FHIT: variants seen among roughly 807,000 people sequenced by gnomAD.
FHIT encodes the protein fragile histidine triad diadenosine triphosphatase.
In FHIT, 19 loss-of-function variants were observed where a neutral mutation model predicts 17.9. That is an observed-to-expected ratio of 1.06 (90% CI 0.74 to 1.56). The LOEUF is 1.56. FHIT is among the 40% of genes most tolerant of loss of function. The probability of loss-of-function intolerance (pLI) is 0.00; values close to 1 mark genes in which losing one functional copy is unlikely to be tolerated. For synonymous variants in FHIT, 81 were observed against 69.7 expected, an observed-to-expected ratio of 1.16 and a Z score of -0.81; for missense variants, 248 against 189.2, an observed-to-expected ratio of 1.31 and a Z score of -1.82.
At chr3:60,256,053 G>A (rs942636192) in intron 5 of FHIT, among the ~76,000 whole-genome samples, 1 of 152,036 alleles carries the variant, frequency 6.6e-6, no homozygotes, top group Non-Finnish European at 1.5e-5. Context: ...TTCTAATGTG[G>A]CCCACCTTTA....
intron 5 of FHIT, among the ~76,000 whole-genome samples, chr3:60,171,485 G>C (rs1462554028): frequency 6.6e-6 from 1 of 152,078 alleles, no homozygotes; most frequent in Non-Finnish European, 1.5e-5. Context: ...GACTAATTGT[G>C]GGTGCCAACT....
chr3:61,020,608 T>C (rs1419330989), intron 3 of FHIT, among the ~76,000 whole-genome samples: 1 of 152,146 alleles, frequency 6.6e-6, no homozygotes, highest in African/African-American at 2.4e-5. Context: ...AAAAACTGCA[T>C]CACCTAATGG....
chr3:60,097,661 TTTC>T (rs1260887474), intron 5 of FHIT, among the ~76,000 whole-genome samples: 3 of 152,096 alleles, frequency 2.0e-5, no homozygotes, highest in Admixed American at 6.5e-5. Context: ...TCTTTCTGAT[TTTC>T]TTTTTTTAAT....
chr3:61,125,634 T>A (rs9820481), intron 2 of FHIT, among the ~76,000 whole-genome samples: 1 of 152,200 alleles, frequency 6.6e-6, no homozygotes, highest in African/African-American at 2.4e-5. Context: ...GAAAATCATC[T>A]GGCAAACAAC....
intron 2 of FHIT, among the ~76,000 whole-genome samples, chr3:61,166,385 A>G (rs757075825): frequency 6.6e-6 from 1 of 152,144 alleles, no homozygotes; most frequent in Non-Finnish European, 1.5e-5. Flanking sequence ...TTCTGTTTTC[A>G]TTATACCACC....
At chr3:60,878,346 A>G (rs1169421290) in intron 3 of FHIT, among the ~76,000 whole-genome samples, 1 of 152,066 alleles carries the variant, frequency 6.6e-6, no homozygotes, top group Non-Finnish European at 1.5e-5. Context: ...CCTGGAACTC[A>G]AAGCAATGGA....
intron 8 of FHIT, among the ~76,000 whole-genome samples, chr3:59,841,169 C>T (rs961785256): frequency 3.3e-5 from 5 of 152,152 alleles, no homozygotes; most frequent in African/African-American, 9.7e-5. Context: ...GTCAGATGAT[C>T]TTGCCTGGGT....
intron 3 of FHIT, among the ~76,000 whole-genome samples, chr3:60,825,694 G>A (rs781855112): frequency 9.9e-5 from 15 of 152,196 alleles, no homozygotes; most frequent in Admixed American, 7.2e-4. Context: ...AGACCCTAAC[G>A]CCTGATGATC....
rs545578543 is a variant in FHIT at position 60,935,385 on chromosome 3, T to C, written c.-111+106662A>G. 7.9e-5 allele frequency among the ~76,000 whole-genome samples: 12 copies of C among 152,078 alleles called. No homozygotes were observed. The East Asian group carries it at 1.7e-3, about 22-fold the overall frequency. On this transcript the variant is annotated intron_variant, in intron 3 of 9. Coordinates refer to ENST00000492590, the MANE Select transcript of FHIT (RefSeq NM_002012.4). ...CACATGTTTAAAAGGGAAAACAGAG[T>C]AATGATACAAAAATCACACAAATAA...
At chr3:60,753,844 T>C (rs2042517591) in intron 4 of FHIT, among the ~76,000 whole-genome samples, 1 of 152,202 alleles carries the variant, frequency 6.6e-6, no homozygotes, top group Admixed American at 6.5e-5. Flanking sequence ...CCTTAACTCT[T>C]CACTAAGTAG....
At chr3:61,207,773 C>T (rs944781707) in intron 1 of FHIT, among the ~76,000 whole-genome samples, 20 of 152,104 alleles carry the variant, frequency 1.3e-4, no homozygotes, top group African/African-American at 4.3e-4. Flanking sequence ...AAACCAGCTC[C>T]TGGATTCATT....
At chr3:60,198,085 AT>A (rs1472754697) in intron 5 of FHIT, among the ~76,000 whole-genome samples, 1 of 151,950 alleles carries the variant, frequency 6.6e-6, no homozygotes, top group African/African-American at 2.4e-5. Flanking sequence ...CAGATCTGGG[AT>A]TGAGGAACGT....
At chr3:60,339,314 G>A (rs983267552) in intron 5 of FHIT, among the ~76,000 whole-genome samples, 1 of 151,976 alleles carries the variant, frequency 6.6e-6, no homozygotes, top group East Asian at 1.9e-4. Flanking sequence ...TTTTGAGCCA[G>A]CACACTATAT....
intron 3 of FHIT, among the ~76,000 whole-genome samples, chr3:60,902,890 A>C (rs1256513192): frequency 6.6e-6 from 1 of 152,194 alleles, no homozygotes; most frequent in African/African-American, 2.4e-5. Flanking sequence ...GCATAGAAAG[A>C]AATCTTTCAT....
intron 5 of FHIT, among the ~76,000 whole-genome samples, chr3:60,118,388 G>A (rs1417927996): frequency 6.6e-6 from 1 of 151,208 alleles, no homozygotes; most frequent in Non-Finnish European, 1.5e-5. Flanking sequence ...GATTATACGT[G>A]TGAGCCACTG....
intron 5 of FHIT, among the ~76,000 whole-genome samples, chr3:60,066,967 T>C (rs1360098228): frequency 1.3e-5 from 2 of 152,132 alleles, no homozygotes; most frequent in South Asian, 2.1e-4. Flanking sequence ...AACCTGTGAA[T>C]ACTGACACAG....
At chr3:60,276,178 G>A (rs898857143) in intron 5 of FHIT, among the ~76,000 whole-genome samples, 18 of 152,080 alleles carry the variant, frequency 1.2e-4, no homozygotes, top group East Asian at 1.2e-3. Context: ...AGTAGAGACC[G>A]GGTTTCACTG....
intron 4 of FHIT, among the ~76,000 whole-genome samples, chr3:60,655,484 A>G (rs2040093989): frequency 6.6e-6 from 1 of 152,180 alleles, no homozygotes; most frequent in Non-Finnish European, 1.5e-5. Context: ...ATTTATAACG[A>G]GGAGAGAGCA....
At chr3:61,205,588 T>C (rs1200993379) in intron 1 of FHIT, among the ~76,000 whole-genome samples, 1 of 152,246 alleles carries the variant, frequency 6.6e-6, no homozygotes, top group Non-Finnish European at 1.5e-5. Flanking sequence ...GTGAGCATTT[T>C]TTCATGTGTC....
Sources: allele counts gnomAD v4.1 joint callset (sites outside exome capture counted in the v4.1 genomes callset), GRCh38; gene constraint gnomAD v4.1.1; transcripts MANE v1.5; gene names NCBI Gene and HGNC (gene_info 2026-07-23, HGNC 2026-07-21).